SUN1: variants seen among roughly 807,000 people sequenced by gnomAD.
SUN1 encodes SUN domain-containing protein 1.
SUN1 carries 61 observed loss-of-function variants against 103.2 expected under a neutral mutation model. The ratio of observed to expected loss-of-function variants is 0.59; its 90% confidence interval spans 0.48 to 0.73. The LOEUF (loss-of-function observed/expected upper bound fraction) is 0.73. Among genes scored for constraint, SUN1 ranks in the 30% least tolerant of loss-of-function variants. SUN1 has a pLI of 0.00. For synonymous variants in SUN1, 490 were observed against 425.7 expected (o/e 1.15, Z -1.86); for missense variants, 1,052 against 1,034.6 (o/e 1.02, Z -0.23).
At chr7:853,113 G>A in intron 9 of SUN1, 161 bp downstream of exon 9, 1 of 1,002,436 alleles carries the variant, frequency 1.0e-6, no homozygotes, top group South Asian at 1.8e-5. Flanking sequence ...AGTGTTCTAG[G>A]ATAGTTCAAA....
At chr7:836,018 G>A (rs1304938409) in intron 1 of SUN1, among the ~76,000 whole-genome samples, 2 of 152,268 alleles carry the variant, frequency 1.3e-5, no homozygotes, top group African/African-American at 2.4e-5. Flanking sequence ...TGGAGGCCGG[G>A]GGGCCTGGCA....
intron 1 of SUN1, among the ~76,000 whole-genome samples, chr7:826,313 G>T (rs1346988070): frequency 6.6e-6 from 1 of 152,238 alleles, no homozygotes; most frequent in African/African-American, 2.4e-5. Context: ...CTGGTCTGGG[G>T]TGCTTAAGGA....
At chr7:817,185 C>T (rs1268469334) in intron 1 of SUN1, 2 of 543,598 alleles carry the variant, frequency 3.7e-6, no homozygotes, top group Non-Finnish European at 6.6e-6. Context: ...GTCTCGACCT[C>T]CTGAGCGCGA....
intron 3 of SUN1, chr7:842,994 T>A: frequency 1.5e-6 from 1 of 688,894 alleles, no homozygotes. Context: ...CTGCCGTCTG[T>A]CTGTATTTTC....
chr7:829,147 GA>G (rs1372243620), upstream of SUN1, among the ~76,000 whole-genome samples: 6 of 152,238 alleles, frequency 3.9e-5, no homozygotes, highest in Non-Finnish European at 8.8e-5. Context: ...TGATGCCATT[GA>G]AAACATGCTG....
chr7:842,145 G>A lies in SUN1; in HGVS notation c.451+15G>A. On this transcript the variant is annotated intron_variant, in intron 3 of 18. Coordinates refer to ENST00000401592, the MANE Select transcript of SUN1 (RefSeq NM_001130965.3). ...CCACTTCTGGGGTGAGTCCCTGCGAGACACAGATTGTCCCGCCTACAGTTG... is the reference window on the plus strand; with the variant it reads ...CCACTTCTGGGGTGAGTCCCTGCGAAACACAGATTGTCCCGCCTACAGTTG... 1 of 1,606,102 alleles carries A rather than the reference G, an allele frequency of 6.2e-7. No homozygotes were observed. Among genetic ancestry groups the A allele is most frequent in the Non-Finnish European group, 8.5e-7 (1 of 1,173,624 alleles).
chr7:848,434 C>T (rs746055922), intron 5 of SUN1: 29 of 1,359,692 alleles, frequency 2.1e-5, no homozygotes, highest in South Asian at 1.7e-4. Flanking sequence ...CGTCTTTCTA[C>T]GTGAATAGGA....
At chr7:834,988 A>T in intron 1 of SUN1, among the ~76,000 whole-genome samples, 1 of 152,228 alleles carries the variant, frequency 6.6e-6, no homozygotes, top group East Asian at 1.9e-4. Context: ...AGGCAGGAGA[A>T]TCGCTTGAAC....
chr7:849,756 C>T, intron 5 of SUN1: 1 of 1,096,038 alleles, frequency 9.1e-7, no homozygotes, highest in Non-Finnish European at 1.4e-6. Flanking sequence ...CTTAAGCCCT[C>T]ATCACAGAAG....
chr7:869,157 G>A (rs576344705), intron 16 of SUN1, 192 bp from the exon 17 acceptor site: 1 of 667,768 alleles, frequency 1.5e-6, no homozygotes, highest in African/African-American at 1.8e-5. Context: ...ACAACATATG[G>A]GTTGGAGATA....
chr7:856,651 G>GCT (rs1827671439), intron 12 of SUN1, among the ~76,000 whole-genome samples: 1 of 152,146 alleles, frequency 6.6e-6, no homozygotes, highest in African/African-American at 2.4e-5. Flanking sequence ...TGCTGTCCGC[G>GCT]CCCCTGCTGT....
At chr7:836,356 T>C (rs1803195242) in intron 1 of SUN1, among the ~76,000 whole-genome samples, 1 of 152,074 alleles carries the variant, frequency 6.6e-6, no homozygotes, top group African/African-American at 2.4e-5. Flanking sequence ...AACGTATGAA[T>C]AGGTGCATAG....
At chr7:816,583 C>T (rs144889298), upstream of SUN1, 446 of 396,748 alleles carry the variant, frequency 1.1e-3, 15 homozygotes, top group East Asian at 0.047. Context: ...GCCCTCGGCC[C>T]GGGGCGCGGC....
chr7:839,415 C>T (rs1156680278), intron 2 of SUN1, among the ~76,000 whole-genome samples: 4 of 152,212 alleles, frequency 2.6e-5, no homozygotes, highest in South Asian at 4.1e-4. Flanking sequence ...GACGGAGTCT[C>T]GCTCTGTCGC....
chr7:826,602 G>C (rs1792263734), intron 1 of SUN1, among the ~76,000 whole-genome samples: 1 of 152,212 alleles, frequency 6.6e-6, no homozygotes, highest in Non-Finnish European at 1.5e-5. Context: ...GACTGACAGA[G>C]TTTTGCAGGT....
At chr7:850,937 GA>G (rs1351876996) in intron 5 of SUN1, among the ~76,000 whole-genome samples, 1 of 152,136 alleles carries the variant, frequency 6.6e-6, no homozygotes, top group African/African-American at 2.4e-5. Flanking sequence ...TTAGCCTTTA[GA>G]ATAATGTTAG....
chr7:852,184 A>ATATTCTTATTTTTCAACCC, intron 7 of SUN1, 141 bp downstream of exon 7: 2 of 781,658 alleles, frequency 2.6e-6, no homozygotes, highest in Non-Finnish European at 4.1e-6. Context: ...AAGTGCTTTT[A>ATATTCTTATTTTTCAACCC]TATTCTTATT....
rs1839550401 is a variant in SUN1, at chr7:869,084, C to T, written c.1981-265C>T. 5.0e-5 allele frequency: 23 copies of T among 459,930 alleles called. 1 individual carries two copies. The South Asian group carries it at 5.4e-4, about 11-fold the overall frequency. 28.5% of individuals were successfully genotyped at this position (459,930 alleles called of 1,614,324 possible). A position where few individuals can be genotyped will look rare whatever the true frequency, so the allele number is the denominator to read the frequency against. ...CAAGGACCATTGACCTTCACCTTTT[C>T]TTTGAAGTATGTTGTATGTCTCACC... is the stretch of plus-strand genomic sequence containing the variant. On this transcript the variant is annotated intron_variant, in intron 16 of 18. Transcript: ENST00000401592.
At chr7:828,055 C>A (rs1306607931), upstream of SUN1, among the ~76,000 whole-genome samples, 10 of 151,956 alleles carry the variant, frequency 6.6e-5, no homozygotes, top group South Asian at 2.1e-3. Context: ...AAGCACGCAC[C>A]ACCACACCCG....
Sources: allele counts gnomAD v4.1 joint callset (sites outside exome capture counted in the v4.1 genomes callset), GRCh38; gene constraint gnomAD v4.1.1; transcripts MANE v1.5; gene names NCBI Gene and HGNC (gene_info 2026-07-23, HGNC 2026-07-21).